Variants in CEP63 observed in about 807,000 individuals in gnomAD.
CEP63 encodes the protein centrosomal protein of 63 kDa.
A neutral mutation model predicts 89.1 loss-of-function variants in CEP63; 84 were observed. The observed-to-expected ratio is 0.94, with a 90% CI of 0.79 to 1.13. The LOEUF is 1.13. Ranked by LOEUF, CEP63 falls within the 50% of genes most tolerant of loss-of-function variation. CEP63 has a pLI of 0.00. For synonymous variants in CEP63, 267 were observed against 272.5 expected (o/e 0.98, Z 0.20); for missense variants, 838 against 813.3 (o/e 1.03, Z -0.37).
the CEP63 span, among the ~76,000 whole-genome samples, chr3:134,711,642 C>A: frequency 6.6e-6 from 1 of 152,088 alleles, no homozygotes; most frequent in East Asian, 1.9e-4. Context: ...TATGGAGTGC[C>A]CATTTAAATA....
chr3:134,554,224 C>A (rs868690413), intron 12 of CEP63, among the ~76,000 whole-genome samples: 2 of 151,060 alleles, frequency 1.3e-5, no homozygotes, highest in Admixed American at 1.3e-4. Context: ...CCAATGCTAT[C>A]CCTCCCCCCT....
the CEP63 span, among the ~76,000 whole-genome samples, chr3:134,668,117 C>A: frequency 2.6e-5 from 4 of 152,142 alleles, no homozygotes; most frequent in African/African-American, 9.7e-5. Context: ...TGAGGACAGA[C>A]TTGCAGGAAC....
the CEP63 span, among the ~76,000 whole-genome samples, chr3:134,750,038 C>T: frequency 6.6e-6 from 1 of 152,212 alleles, no homozygotes; most frequent in Non-Finnish European, 1.5e-5. Flanking sequence ...AGCAAAGGCT[C>T]CCCTGAGCTG....
the CEP63 span, among the ~76,000 whole-genome samples, chr3:134,776,139 C>G: frequency 6.6e-6 from 1 of 152,208 alleles, no homozygotes; most frequent in Admixed American, 6.5e-5. Flanking sequence ...GCACCGCAAC[C>G]CATCTCTATG....
chr3:134,541,893 T>A (rs1335084343), intron 6 of CEP63, among the ~76,000 whole-genome samples: 1 of 152,156 alleles, frequency 6.6e-6, no homozygotes, highest in Non-Finnish European at 1.5e-5. Flanking sequence ...AAAGTACAGT[T>A]GTTAAACTGT....
chr3:134,515,980 G>A (rs914674352), intron 3 of CEP63, among the ~76,000 whole-genome samples: 4 of 152,126 alleles, frequency 2.6e-5, no homozygotes, highest in Non-Finnish European at 4.4e-5. Flanking sequence ...GGTGTTTCTC[G>A]TTAGGTGGAA....
Position 134,564,717 on chromosome 3 carries a change from G to C in CEP63, c.*3182G>C, listed in dbSNP as rs1957655357. On this transcript the variant is annotated 3_prime_UTR_variant, in exon 15 of 15. Transcript: ENST00000675561. ...AAGTACTGTACCTATGTGCATTGCT[G>C]TTACATTCAGGAGATTTCTGAGTTT... is the stretch of plus-strand genomic sequence containing the variant. 1 of 985,254 alleles carries C rather than the reference G, an allele frequency of 1.0e-6. No individual in the cohort carries two copies. The highest frequency in any genetic ancestry group is 4.7e-5 in the South Asian group (1 of 21,288). 61.0% of individuals were successfully genotyped at this position (985,254 alleles called of 1,614,324 possible).
chr3:134,536,970 A>T (rs1385368322), intron 5 of CEP63, 185 bp from the exon 6 acceptor site: 9 of 611,996 alleles, frequency 1.5e-5, no homozygotes, highest in Non-Finnish European at 2.4e-5. Flanking sequence ...CCAGAGGCAC[A>T]GTATGTGAGG....
At chr3:134,578,623 C>T (rs1283353382), downstream of CEP63, among the ~76,000 whole-genome samples, 1 of 152,122 alleles carries the variant, frequency 6.6e-6, no homozygotes, top group Non-Finnish European at 1.5e-5. Flanking sequence ...AGCCACCATG[C>T]CCAGCCCTCA....
chr3:134,587,380 T>C (rs1053522553), intron 10 of CEP63, among the ~76,000 whole-genome samples: 9 of 152,200 alleles, frequency 5.9e-5, no homozygotes, highest in African/African-American at 2.2e-4. Flanking sequence ...GGGGTTTTGG[T>C]GTGGATGTCC....
At chr3:134,583,853 C>T (rs559586286) in intron 10 of CEP63, among the ~76,000 whole-genome samples, 3 of 152,222 alleles carry the variant, frequency 2.0e-5, no homozygotes, top group East Asian at 1.9e-4. Context: ...TCTTTTATTT[C>T]GTTGAGCAGA....
At chr3:134,620,902 G>C in the CEP63 span, 1 of 1,172,706 alleles carries the variant, frequency 8.5e-7, no homozygotes, top group African/African-American at 1.5e-5. Flanking sequence ...TCGAGGAGGG[G>C]CTGTTGGGGG....
At chr3:134,608,583 TC>T in the CEP63 span, 4 of 1,613,130 alleles carry the variant, frequency 2.5e-6, no homozygotes, top group Non-Finnish European at 2.5e-6. Context: ...TCAGGCGGGC[TC>T]CTGGAGGACA....
At chr3:134,683,288 T>C in the CEP63 span, among the ~76,000 whole-genome samples, 658 of 152,350 alleles carry the variant, frequency 4.3e-3, 3 homozygotes, top group African/African-American at 0.014. Context: ...AAAATAGTTT[T>C]GTATCTAATT....
chr3:134,746,251 A>T, the CEP63 span, among the ~76,000 whole-genome samples: 1 of 150,296 alleles, frequency 6.7e-6, no homozygotes, highest in Admixed American at 6.6e-5. Flanking sequence ...ACATGAACTC[A>T]TCCTTTTTTT....
At chr3:134,723,987 C>T in the CEP63 span, among the ~76,000 whole-genome samples, 11 of 152,200 alleles carry the variant, frequency 7.2e-5, no homozygotes, top group Admixed American at 6.5e-4. Flanking sequence ...ATCCTAAGTG[C>T]TGTGGGTGAC....
At chr3:134,713,825 A>T in the CEP63 span, among the ~76,000 whole-genome samples, 1 of 152,348 alleles carries the variant, frequency 6.6e-6, no homozygotes, top group East Asian at 1.9e-4. Flanking sequence ...CACTTGTAAT[A>T]ACTTCCTCAT....
At chr3:134,661,996 G>A in the CEP63 span, among the ~76,000 whole-genome samples, 4 of 152,182 alleles carry the variant, frequency 2.6e-5, no homozygotes, top group East Asian at 1.9e-4. Flanking sequence ...AGAAGGTGCC[G>A]GCTGGGCATG....
At chr3:134,673,775 C>T in the CEP63 span, among the ~76,000 whole-genome samples, 1 of 152,194 alleles carries the variant, frequency 6.6e-6, no homozygotes, top group East Asian at 1.9e-4. Context: ...AGACCACCTA[C>T]AGACTTATGC....
Sources: gnomAD v4.1 joint callset for allele counts (sites outside exome capture counted in the v4.1 genomes callset) on GRCh38, gnomAD v4.1.1 for gene constraint, MANE v1.5 for transcripts, NCBI Gene and HGNC (gene_info 2026-07-23, HGNC 2026-07-21) for gene names.